RGS6: variants seen among roughly 807,000 people sequenced by gnomAD.
RGS6 encodes the protein regulator of G protein signaling 6.
Under a neutral mutation model 78.5 loss-of-function variants are expected in RGS6, and 30 were observed. That is an observed-to-expected ratio of 0.38 (90% CI 0.29 to 0.52). The LOEUF (loss-of-function observed/expected upper bound fraction) is 0.52, where lower values mean the gene tolerates loss of function less well. Ranked by LOEUF, RGS6 falls within the 20% of genes least tolerant of loss-of-function variation. The probability of loss-of-function intolerance (pLI) is 0.85; values close to 1 mark genes in which losing one functional copy is unlikely to be tolerated. For missense variants in RGS6, 495 were observed against 609.7 expected, an observed-to-expected ratio of 0.81 and a Z score of 1.98; for synonymous variants, 206 against 206.0, an observed-to-expected ratio of 1.00 and a Z score of 0.00.
rs1414407219 is a variant in RGS6 at position 72,280,951 on chromosome 14, T to C, written c.85-71144T>C. Among the ~76,000 whole-genome samples the C allele has an allele frequency of 2.0e-5, 3 of 152,158 alleles. No individual in the cohort carries two copies. In the East Asian group the frequency reaches 5.8e-4, roughly 29 times the overall value. ...GAATACATTATCTCATGTGGACAGA[T>C]GGTTATGACTTTATAAACTAGGAAA... is the stretch of plus-strand genomic sequence containing the variant. On this transcript the variant is annotated intron_variant, in intron 2 of 17. Coordinates refer to ENST00000553525, the MANE Select transcript of RGS6 (RefSeq NM_001204424.2).
chr14:72,344,979 C>T (rs943488916), intron 2 of RGS6, among the ~76,000 whole-genome samples: 1 of 152,280 alleles, frequency 6.6e-6, no homozygotes, highest in Non-Finnish European at 1.5e-5. Context: ...CTCCTCTTGC[C>T]CTGCTTCCAT....
chr14:72,371,340 T>G (rs992115122), intron 3 of RGS6, among the ~76,000 whole-genome samples: 4 of 152,124 alleles, frequency 2.6e-5, no homozygotes, highest in Non-Finnish European at 5.9e-5. Flanking sequence ...CTTGTTTGAT[T>G]TTTTTCTCCT....
intron 2 of RGS6, among the ~76,000 whole-genome samples, chr14:72,211,744 C>G (rs760290678): frequency 2.6e-5 from 4 of 152,110 alleles, no homozygotes; most frequent in Non-Finnish European, 5.9e-5. Flanking sequence ...TTTTAGACAG[C>G]CTCCGAATTT....
chr14:72,293,008 A>T (rs1266231299), intron 2 of RGS6, among the ~76,000 whole-genome samples: 1 of 152,140 alleles, frequency 6.6e-6, no homozygotes, highest in Non-Finnish European at 1.5e-5. Context: ...ATATATTTGT[A>T]TTGTGATTAT....
chr14:72,061,020 C>A (rs1310621711), intron 2 of RGS6, among the ~76,000 whole-genome samples: 1 of 152,138 alleles, frequency 6.6e-6, no homozygotes, highest in African/African-American at 2.4e-5. Flanking sequence ...GTCCTAAAGG[C>A]TGCAAATATT....
At chr14:72,059,989 G>T (rs2093811382) in intron 2 of RGS6, among the ~76,000 whole-genome samples, 2 of 152,144 alleles carry the variant, frequency 1.3e-5, no homozygotes, top group Non-Finnish European at 2.9e-5. Context: ...GTTGTTCAAT[G>T]ATTTACTTCC....
intron 10 of RGS6, among the ~76,000 whole-genome samples, chr14:72,475,122 A>G (rs924350891): frequency 1.3e-5 from 2 of 152,156 alleles, no homozygotes; most frequent in Non-Finnish European, 2.9e-5. Flanking sequence ...GGGAGGAAAC[A>G]AAAGGAGCAA....
At chr14:71,946,594 A>G (rs776284307) in intron 1 of RGS6, among the ~76,000 whole-genome samples, 11 of 152,320 alleles carry the variant, frequency 7.2e-5, no homozygotes, top group Middle Eastern at 6.8e-3. Context: ...CTATATATGG[A>G]AAGTTAGGGA....
chr14:72,397,822 T>G (rs1363836206), intron 3 of RGS6, among the ~76,000 whole-genome samples: 1 of 152,226 alleles, frequency 6.6e-6, no homozygotes, highest in Non-Finnish European at 1.5e-5. Flanking sequence ...GTGGTTTTTG[T>G]CTTTGGTTCT....
chr14:72,224,087 A>T (rs2047526658), intron 2 of RGS6, among the ~76,000 whole-genome samples: 1 of 152,232 alleles, frequency 6.6e-6, no homozygotes, highest in Non-Finnish European at 1.5e-5. Context: ...CTGAAATACA[A>T]TATTTAAGAG....
the RGS6 span, among the ~76,000 whole-genome samples, chr14:72,627,681 TAA>T: frequency 6.6e-6 from 1 of 152,056 alleles, no homozygotes; most frequent in Admixed American, 6.5e-5. Context: ...TCTAACTCCA[TAA>T]AAAAAGTTTG....
chr14:71,914,734 A>G, the RGS6 span, among the ~76,000 whole-genome samples: 1 of 151,974 alleles, frequency 6.6e-6, no homozygotes, highest in African/African-American at 2.4e-5. Flanking sequence ...ACACTGTGGT[A>G]CCAACTTCTT....
intron 2 of RGS6, among the ~76,000 whole-genome samples, chr14:72,239,596 C>A (rs112562094): frequency 6.6e-6 from 1 of 152,106 alleles, no homozygotes; most frequent in Non-Finnish European, 1.5e-5. Flanking sequence ...ACAGTGAGCA[C>A]CTCTCTTGAC....
At chr14:72,599,347 CT>C in the RGS6 span, among the ~76,000 whole-genome samples, 1 of 151,368 alleles carries the variant, frequency 6.6e-6, no homozygotes, top group Non-Finnish European at 1.5e-5. Flanking sequence ...AGGTTCCTTC[CT>C]GCTGCCAGAG....
chr14:72,020,035 A>T (rs1483656274), intron 2 of RGS6, among the ~76,000 whole-genome samples: 2 of 152,232 alleles, frequency 1.3e-5, no homozygotes, highest in Admixed American at 1.3e-4. Flanking sequence ...CTTTGATTCT[A>T]CCAGCTGCAA....
At chr14:72,027,841 A>G (rs2090166891) in intron 2 of RGS6, among the ~76,000 whole-genome samples, 1 of 152,210 alleles carries the variant, frequency 6.6e-6, no homozygotes, top group Non-Finnish European at 1.5e-5. Context: ...GATGCCAACC[A>G]GAAGACTGGA....
chr14:72,145,177 A>T lies in RGS6; in HGVS notation c.84+180302A>T, dbSNP rs2096591754. Among the ~76,000 whole-genome samples, 7 of 152,172 alleles carry T rather than the reference A, an allele frequency of 4.6e-5. No individual in the cohort carries two copies. The South Asian group carries it at 1.5e-3, about 32-fold the overall frequency. ...GTTTTACAATAGTGATGTTATCCCC[A>T]GGAGCAATTTGGGGAGGTTCAGACT... On this transcript the variant is annotated intron_variant, in intron 2 of 17. Coordinates refer to ENST00000553525, the MANE Select transcript of RGS6 (RefSeq NM_001204424.2).
chr14:72,414,649 A>C (rs2093671854), intron 3 of RGS6, among the ~76,000 whole-genome samples: 1 of 151,806 alleles, frequency 6.6e-6, no homozygotes, highest in African/African-American at 2.4e-5. Context: ...TGATTTTTAG[A>C]GTTTCCATTT....
chr14:72,465,378 T>C (rs545512539), intron 6 of RGS6, among the ~76,000 whole-genome samples: 2 of 152,046 alleles, frequency 1.3e-5, no homozygotes, highest in African/African-American at 4.8e-5. Context: ...GATTGGAATA[T>C]GGAGGAGTCC....
Sources: allele counts gnomAD v4.1 joint callset (sites outside exome capture counted in the v4.1 genomes callset), GRCh38; gene constraint gnomAD v4.1.1; transcripts MANE v1.5; gene names NCBI Gene and HGNC (gene_info 2026-07-23, HGNC 2026-07-21).